SLC30A8: variants seen among roughly 807,000 people sequenced by gnomAD.
SLC30A8 encodes proton-coupled zinc antiporter SLC30A8.
Under a neutral mutation model 36.9 loss-of-function variants are expected in SLC30A8, and 27 were observed. The observed-to-expected ratio is 0.73, with a 90% CI of 0.54 to 1.01. The LOEUF (loss-of-function observed/expected upper bound fraction) is 1.01, where lower values mean the gene tolerates loss of function less well. SLC30A8 is among the 50% of genes least tolerant of loss of function. The probability of loss-of-function intolerance (pLI) is 0.00; values close to 1 mark genes in which losing one functional copy is unlikely to be tolerated. For synonymous variants in SLC30A8, 164 were observed against 172.4 expected (o/e 0.95, Z 0.38); for missense variants, 439 against 452.0 (o/e 0.97, Z 0.26).
At chr8:116,956,653 C>G (rs949355645) in intron 1 of SLC30A8, among the ~76,000 whole-genome samples, 2 of 152,144 alleles carry the variant, frequency 1.3e-5, no homozygotes, top group African/African-American at 4.8e-5. Flanking sequence ...TGGATAGTCT[C>G]TCTCTTATTT....
rs17812479 is a variant in SLC30A8, at chr8:117,006,565, G to T, written c.-265-32654G>T. 0.017 allele frequency among the ~76,000 whole-genome samples: 2,531 copies of T among 152,182 alleles called. 97 individuals are homozygous for T. The East Asian group carries it at 0.17, about 10-fold the overall frequency. ...CCTATTTCCAAGAAGCTGGGAAAGC[G>T]AGTGTCTGACAATTTCAGCCTCTCT... is the stretch of plus-strand genomic sequence containing the variant. On this transcript the variant is annotated intron_variant, in intron 1 of 10. Transcript: ENST00000427715.
chr8:117,098,402 T>A (rs1269986963), intron 2 of SLC30A8, among the ~76,000 whole-genome samples: 1 of 152,110 alleles, frequency 6.6e-6, no homozygotes, highest in Non-Finnish European at 1.5e-5. Flanking sequence ...CTCAAAATCT[T>A]TGGTAGAGTA....
chr8:117,094,864 T>C (rs1819290999), intron 2 of SLC30A8, among the ~76,000 whole-genome samples: 1 of 152,174 alleles, frequency 6.6e-6, no homozygotes, highest in Non-Finnish European at 1.5e-5. Flanking sequence ...TTCCCATGCT[T>C]GTTGGCACCC....
chr8:116,952,449 A>AT (rs934876735), intron 1 of SLC30A8, among the ~76,000 whole-genome samples: 57 of 148,718 alleles, frequency 3.8e-4, no homozygotes, highest in Admixed American at 8.0e-4. Flanking sequence ...ACTACTTCCA[A>AT]TTTTTTTTTT....
chr8:117,048,192 G>T (rs941023060), intron 2 of SLC30A8, among the ~76,000 whole-genome samples: 37 of 152,102 alleles, frequency 2.4e-4, no homozygotes, highest in African/African-American at 8.9e-4. Flanking sequence ...TCTGGATTGG[G>T]ACCCCTTTCT....
chr8:117,053,177 C>T (rs1350412872), intron 2 of SLC30A8, among the ~76,000 whole-genome samples: 1 of 152,210 alleles, frequency 6.6e-6, no homozygotes, highest in African/African-American at 2.4e-5. Context: ...GATCTGCCCG[C>T]TTCGGCCTCC....
intron 1 of SLC30A8, among the ~76,000 whole-genome samples, chr8:116,990,333 C>T (rs1448856605): frequency 6.6e-6 from 1 of 152,044 alleles, no homozygotes; most frequent in Non-Finnish European, 1.5e-5. Flanking sequence ...AAAAATAGCT[C>T]TACAGTGGAG....
At chr8:117,085,024 T>A (rs1182202267) in intron 2 of SLC30A8, among the ~76,000 whole-genome samples, 1 of 152,150 alleles carries the variant, frequency 6.6e-6, no homozygotes, top group Non-Finnish European at 1.5e-5. Flanking sequence ...CTTCCTTTGA[T>A]GAGGTTCAAG....
intron 1 of SLC30A8, among the ~76,000 whole-genome samples, chr8:116,957,481 G>GGCT (rs1204316568): frequency 2.6e-5 from 4 of 152,068 alleles, no homozygotes; most frequent in African/African-American, 9.7e-5. Context: ...ATGTTGGCCA[G>GGCT]GCTGGTCTGG....
chr8:117,110,176 G>T (rs997148377), intron 2 of SLC30A8, among the ~76,000 whole-genome samples: 1 of 152,068 alleles, frequency 6.6e-6, no homozygotes. Flanking sequence ...ATTGATGTTT[G>T]GCGTGGGCCC....
intron 2 of SLC30A8, among the ~76,000 whole-genome samples, chr8:117,055,162 G>C (rs1000616756): frequency 2.0e-5 from 3 of 152,218 alleles, no homozygotes; most frequent in African/African-American, 7.2e-5. Context: ...AGGGAGCAGA[G>C]CTCAGAAAGT....
chr8:117,146,933 T>C (rs1259250579), intron 1 of SLC30A8, 21 bp from the exon 2 acceptor site: 1 of 1,613,330 alleles, frequency 6.2e-7, no homozygotes, highest in Non-Finnish European at 8.5e-7. Context: ...CACTTCTTGC[T>C]TCTGTCAAAC....
At chr8:117,161,250 A>C (rs1822778307) in intron 4 of SLC30A8, among the ~76,000 whole-genome samples, 1 of 152,248 alleles carries the variant, frequency 6.6e-6, no homozygotes, top group Admixed American at 6.5e-5. Flanking sequence ...AAAATGCACA[A>C]AATTAGGTAA....
intron 1 of SLC30A8, among the ~76,000 whole-genome samples, chr8:117,008,653 T>A (rs1192286166): frequency 6.6e-6 from 1 of 152,192 alleles, no homozygotes; most frequent in Non-Finnish European, 1.5e-5. Context: ...TGACCTTGTT[T>A]ACAGAGGTGG....
chr8:117,154,858 A>G (rs1190318487), intron 3 of SLC30A8, among the ~76,000 whole-genome samples: 1 of 152,210 alleles, frequency 6.6e-6, no homozygotes, highest in Non-Finnish European at 1.5e-5. Flanking sequence ...TGGCCATGGA[A>G]GACCCTGAGC....
At chr8:117,051,630 G>A (rs1410495274) in intron 2 of SLC30A8, among the ~76,000 whole-genome samples, 2 of 152,016 alleles carry the variant, frequency 1.3e-5, no homozygotes, top group East Asian at 1.9e-4. Flanking sequence ...TGGCTAACAC[G>A]GTGAAACCCC....
chr8:116,985,086 T>C (rs1815396691), intron 1 of SLC30A8, among the ~76,000 whole-genome samples: 1 of 152,074 alleles, frequency 6.6e-6, no homozygotes, highest in African/African-American at 2.4e-5. Context: ...AATTAAACCA[T>C]GTATTATTTT....
At chr8:117,039,877 A>G (rs986559371) in intron 2 of SLC30A8, among the ~76,000 whole-genome samples, 6 of 151,878 alleles carry the variant, frequency 4.0e-5, no homozygotes, top group African/African-American at 1.5e-4. Flanking sequence ...ATAGCTTTTG[A>G]TTTTTTTCTG....
chr8:117,010,397 G>A (rs548925714), intron 1 of SLC30A8, among the ~76,000 whole-genome samples: 3 of 152,258 alleles, frequency 2.0e-5, no homozygotes, highest in Admixed American at 6.5e-5. Flanking sequence ...GCAGCTCCAC[G>A]GCCTAGTAGT....
Sources: allele counts gnomAD v4.1 joint callset (sites outside exome capture counted in the v4.1 genomes callset), GRCh38; gene constraint gnomAD v4.1.1; transcripts MANE v1.5; gene names NCBI Gene and HGNC (gene_info 2026-07-23, HGNC 2026-07-21).